The following CDH8 variants were observed in gnomAD, a reference collection of about 807,000 sequenced individuals.
CDH8 encodes cadherin 8.
A neutral mutation model predicts 68.1 loss-of-function variants in CDH8; 17 were observed. The observed-to-expected ratio is 0.25, with a 90% CI of 0.17 to 0.37. The LOEUF (loss-of-function observed/expected upper bound fraction) is 0.37. CDH8 is among the 10% of genes least tolerant of loss of function. The probability of loss-of-function intolerance (pLI) is 1.00; values close to 1 mark genes in which losing one functional copy is unlikely to be tolerated. For missense variants in CDH8, 763 were observed against 999.3 expected, an observed-to-expected ratio of 0.76 and a Z score of 3.19; for synonymous variants, 372 against 365.1, an observed-to-expected ratio of 1.02 and a Z score of -0.21.
At chr16:61,737,924 C>A (rs1320405011) in intron 8 of CDH8, among the ~76,000 whole-genome samples, 4 of 152,096 alleles carry the variant, frequency 2.6e-5, no homozygotes, top group African/African-American at 9.7e-5. Flanking sequence ...AAATTTCCAG[C>A]AAGCCAGAGT....
rs1017621497 is a variant in CDH8 at position 61,977,731 on chromosome 16, C to T, written c.252+43421G>A. Among the ~76,000 whole-genome samples, 3 of 152,104 alleles carry T rather than the reference C, an allele frequency of 2.0e-5. 1 individual carries two copies. Among genetic ancestry groups the T allele is most frequent in the Non-Finnish European group, 4.4e-5 (3 of 68,012 alleles). On this transcript the variant is annotated intron_variant, in intron 2 of 11. Coordinates refer to ENST00000577390, the MANE Select transcript of CDH8 (RefSeq NM_001796.5). ...AAGATCACGCCTGCCCATAGCATTC[C>T]CATAAGACATCTGAACTCTTAGCTT...
At chr16:61,699,799 C>T (rs545413114) in intron 10 of CDH8, among the ~76,000 whole-genome samples, 1 of 152,266 alleles carries the variant, frequency 6.6e-6, no homozygotes, top group South Asian at 2.1e-4. Flanking sequence ...TGGCCTTGAA[C>T]TCCTGACCAT....
intron 1 of CDH8, among the ~76,000 whole-genome samples, chr16:62,028,985 T>C (rs1902261963): frequency 6.6e-6 from 1 of 152,194 alleles, no homozygotes; most frequent in African/African-American, 2.4e-5. Flanking sequence ...ACCTTGTAAT[T>C]CAGCCGAACT....
intron 8 of CDH8, among the ~76,000 whole-genome samples, chr16:61,760,778 A>T (rs904731705): frequency 6.6e-6 from 1 of 152,214 alleles, no homozygotes; most frequent in African/African-American, 2.4e-5. Context: ...AGGCAGTATA[A>T]GAAACATCTA....
intron 8 of CDH8, among the ~76,000 whole-genome samples, chr16:61,746,776 T>C (rs929641968): frequency 5.9e-5 from 9 of 152,074 alleles, no homozygotes; most frequent in African/African-American, 1.9e-4. Flanking sequence ...CTATCTTTAG[T>C]TGATGCTCTG....
chr16:61,669,758 G>T (rs1276750620), intron 10 of CDH8, among the ~76,000 whole-genome samples: 3 of 151,972 alleles, frequency 2.0e-5, no homozygotes, highest in African/African-American at 7.2e-5. Context: ...AATGCCTTAA[G>T]AAAGGAGTGG....
At chr16:61,757,831 C>G (rs1214062754) in intron 8 of CDH8, among the ~76,000 whole-genome samples, 1 of 152,124 alleles carries the variant, frequency 6.6e-6, no homozygotes, top group African/African-American at 2.4e-5. Flanking sequence ...CAGAGACAAA[C>G]TGACCCTGGC....
At chr16:61,666,742 A>C (rs1359049175) in intron 10 of CDH8, among the ~76,000 whole-genome samples, 1 of 152,034 alleles carries the variant, frequency 6.6e-6, no homozygotes, top group East Asian at 1.9e-4. Context: ...ACAAAGAAAA[A>C]AATGCCACTG....
chr16:61,704,884 C>T (rs1964500650), intron 10 of CDH8, among the ~76,000 whole-genome samples: 1 of 152,074 alleles, frequency 6.6e-6, no homozygotes, highest in South Asian at 2.1e-4. Context: ...ACAGTGTGAC[C>T]TTGATGGAAC....
intron 8 of CDH8, among the ~76,000 whole-genome samples, chr16:61,779,469 G>GCA (rs1567466560): frequency 7.2e-6 from 1 of 139,220 alleles, no homozygotes; most frequent in Non-Finnish European, 1.5e-5. Context: ...GTGTGTGCGC[G>GCA]CATGGTGAGG....
At chr16:61,870,030 T>G (rs1206710185) in intron 3 of CDH8, among the ~76,000 whole-genome samples, 2 of 152,254 alleles carry the variant, frequency 1.3e-5, no homozygotes, top group Admixed American at 6.5e-5. Context: ...CCCTTTGGGC[T>G]AATTTGTAGT....
At chr16:61,662,241 T>C (rs1044743686) in intron 10 of CDH8, among the ~76,000 whole-genome samples, 8 of 151,798 alleles carry the variant, frequency 5.3e-5, no homozygotes, top group African/African-American at 1.9e-4. Context: ...AACAATCTTC[T>C]TTTCAGTCTT....
At chr16:61,693,736 G>C (rs1387301557) in intron 10 of CDH8, 1 of 152,172 alleles carries the variant, frequency 6.6e-6, no homozygotes, top group Non-Finnish European at 1.5e-5. Flanking sequence ...AATGAGGTAT[G>C]ATGCAAGAAA....
At chr16:61,690,024 T>C (rs931594793) in intron 10 of CDH8, among the ~76,000 whole-genome samples, 1 of 152,086 alleles carries the variant, frequency 6.6e-6, no homozygotes, top group African/African-American at 2.4e-5. Context: ...TCTACATTCA[T>C]ACCACAATTC....
At chr16:61,681,153 A>G (rs1407007062) in intron 10 of CDH8, among the ~76,000 whole-genome samples, 1 of 151,876 alleles carries the variant, frequency 6.6e-6, no homozygotes, top group Non-Finnish European at 1.5e-5. Context: ...TTACTATATG[A>G]CCCAGCCATT....
intron 8 of CDH8, among the ~76,000 whole-genome samples, chr16:61,770,868 G>T (rs1454872244): frequency 1.3e-5 from 2 of 151,916 alleles, no homozygotes; most frequent in African/African-American, 4.8e-5. Context: ...AAGTGCCTAG[G>T]ATAGGTGGGC....
At chr16:61,919,051 G>T (rs192274289) in intron 2 of CDH8, among the ~76,000 whole-genome samples, 1 of 146,426 alleles carries the variant, frequency 6.8e-6, no homozygotes, top group Non-Finnish European at 1.5e-5. Flanking sequence ...CCCAGCAGGG[G>T]CATACTGACA....
At chr16:61,685,926 G>T (rs138036943) in intron 10 of CDH8, among the ~76,000 whole-genome samples, 3,387 of 152,012 alleles carry the variant, frequency 0.022, 68 homozygotes, top group Non-Finnish European at 0.033. Context: ...GAATTGGATG[G>T]TAAATTTATT....
At chr16:61,895,671 T>C (rs533887734) in intron 3 of CDH8, among the ~76,000 whole-genome samples, 7 of 152,166 alleles carry the variant, frequency 4.6e-5, no homozygotes, top group Non-Finnish European at 1.0e-4. Flanking sequence ...TGCTTTTGAG[T>C]AAAATAGGAT....
Sources: gnomAD v4.1 joint callset for allele counts (sites outside exome capture counted in the v4.1 genomes callset) on GRCh38, gnomAD v4.1.1 for gene constraint, MANE v1.5 for transcripts, NCBI Gene and HGNC (gene_info 2026-07-23, HGNC 2026-07-21) for gene names.